SNX6: variants seen among roughly 807,000 people sequenced by gnomAD.
SNX6 encodes the protein sorting nexin 6.
SNX6 carries 34 observed loss-of-function variants against 63.0 expected under a neutral mutation model. The observed-to-expected ratio is 0.54, with a 90% CI of 0.41 to 0.72. The LOEUF (loss-of-function observed/expected upper bound fraction) is 0.72, where lower values mean the gene tolerates loss of function less well. SNX6 is among the 30% of genes least tolerant of loss of function. The pLI is 0.00. For missense variants in SNX6, 398 were observed against 471.4 expected, an observed-to-expected ratio of 0.84 and a Z score of 1.44; for synonymous variants, 170 against 164.2, an observed-to-expected ratio of 1.04 and a Z score of -0.27.
Position 34,608,017 on chromosome 14 carries a change from T to A in SNX6, c.270+13A>T. ...CCTAGAAAATGGAATTAAAATGGAG[T>A]CTCAATACTTACGATATAACCTGCA... On this transcript the variant is annotated intron_variant, in intron 4 of 13. Transcript: ENST00000362031. 1.5e-6 allele frequency: 2 copies of A among 1,344,056 alleles called. No homozygotes were observed. Among genetic ancestry groups the A allele is most frequent in the South Asian group, 1.3e-5 (1 of 78,418 alleles). The allele number at this position is 1,344,056 out of a possible 1,614,324, so 83.3% of individuals were successfully genotyped here.
chr14:34,569,719 AAATC>A (rs1881357300), intron 11 of SNX6, among the ~76,000 whole-genome samples: 1 of 152,212 alleles, frequency 6.6e-6, no homozygotes, highest in African/African-American at 2.4e-5. Flanking sequence ...GTTGTAGCAC[AAATC>A]AATATTTCAC....
chr14:34,594,308 C>CTT (rs34181149), intron 7 of SNX6, among the ~76,000 whole-genome samples: 9 of 146,112 alleles, frequency 6.2e-5, no homozygotes, highest in East Asian at 4.0e-4. Flanking sequence ...TGTCTTCAAC[C>CTT]TTTTTTTTTT....
At chr14:34,570,302 G>C (rs1881387414) in intron 11 of SNX6, among the ~76,000 whole-genome samples, 1 of 151,470 alleles carries the variant, frequency 6.6e-6, no homozygotes, top group Non-Finnish European at 1.5e-5. Flanking sequence ...CCGACCTCAA[G>C]TAATCTGCCC....
intron 9 of SNX6, among the ~76,000 whole-genome samples, chr14:34,583,199 C>T (rs1378432507): frequency 4.6e-5 from 7 of 152,080 alleles, no homozygotes; most frequent in Non-Finnish European, 1.0e-4. Context: ...GTCCCAGCTA[C>T]TTGGGAGGCT....
intron 9 of SNX6, among the ~76,000 whole-genome samples, chr14:34,582,718 T>G (rs1237799458): frequency 1.3e-5 from 2 of 151,956 alleles, no homozygotes; most frequent in Admixed American, 6.6e-5. Context: ...AATTTTTGTA[T>G]TTTTAGTAGA....
At chr14:34,619,521 C>CT (rs1417372132) in intron 2 of SNX6, among the ~76,000 whole-genome samples, 2 of 151,494 alleles carry the variant, frequency 1.3e-5, no homozygotes, top group Admixed American at 6.6e-5. Context: ...ATTTAATAAA[C>CT]TTTTTTTTCA....
At position 34,573,634 on chromosome 14, in the gene SNX6, T is replaced by A. The variant is rs143012665; in HGVS notation, c.921+2122A>T. Among the ~76,000 whole-genome samples the A allele has an allele frequency of 6.7e-3, 1,013 of 151,924 alleles. 3 individuals carry two copies. The highest frequency in any genetic ancestry group is 0.023 in the African/African-American group (943 of 41,472). ...AGTCTTGCACACAGCTTTTTTTTTT[T>A]AATTAATTAATTTATTTTTTTCGAG... On this transcript the variant is annotated intron_variant, in intron 11 of 13. Coordinates refer to ENST00000362031, the MANE Select transcript of SNX6 (RefSeq NM_152233.4).
At chr14:34,591,193 G>A (rs1203735571) in intron 8 of SNX6, among the ~76,000 whole-genome samples, 1 of 150,410 alleles carries the variant, frequency 6.6e-6, no homozygotes, top group Non-Finnish European at 1.5e-5. Flanking sequence ...TTTGATTACT[G>A]CAGCTTACTG....
At chr14:34,563,437 T>A (rs145003952) in intron 13 of SNX6, among the ~76,000 whole-genome samples, 418 of 152,052 alleles carry the variant, frequency 2.7e-3, no homozygotes, top group African/African-American at 9.7e-3. Flanking sequence ...TTGGCACCTG[T>A]AGTCCCAGCT....
At chr14:34,586,395 G>A in intron 8 of SNX6, 90 bp from the exon 9 acceptor site, 2 of 726,638 alleles carry the variant, frequency 2.8e-6, no homozygotes, top group Non-Finnish European at 4.6e-6. Context: ...TGTGTAATAT[G>A]AGACACTCTA....
intron 13 of SNX6, among the ~76,000 whole-genome samples, chr14:34,564,047 A>G (rs952567635): frequency 6.6e-6 from 1 of 151,912 alleles, no homozygotes; most frequent in African/African-American, 2.4e-5. Flanking sequence ...CTTTGTTTTG[A>G]GACAGAGTCT....
chr14:34,604,251 TTC>T (rs1473308095), intron 5 of SNX6: 2 of 1,284,356 alleles, frequency 1.6e-6, no homozygotes, highest in Non-Finnish European at 2.0e-6. Flanking sequence ...AAACCCAAGG[TTC>T]TCTGTTATCC....
chr14:34,569,512 C>T (rs1248208497), intron 11 of SNX6, among the ~76,000 whole-genome samples: 1 of 151,990 alleles, frequency 6.6e-6, no homozygotes, highest in Non-Finnish European at 1.5e-5. Context: ...ACTACAACCT[C>T]CACCTCCCGG....
In SNX6 at chr14:34,621,086, C is replaced by T. The variant is rs552491856; in HGVS notation, c.54+8821G>A. 4.1e-4 allele frequency among the ~76,000 whole-genome samples: 62 copies of T among 152,240 alleles called. No individual in the cohort carries two copies. In the South Asian group the frequency reaches 0.012, roughly 29 times the overall value. On this transcript the variant is annotated intron_variant, in intron 2 of 13. Transcript: ENST00000362031. ...GCCTCAGCCTCCCAAGTAGCTAGGACTAAATGCATGTGTGACCACACCCTG... is the reference window on the plus strand; with the variant it reads ...GCCTCAGCCTCCCAAGTAGCTAGGATTAAATGCATGTGTGACCACACCCTG...
intron 4 of SNX6, 40 bp downstream of exon 4, chr14:34,607,990 C>G: frequency 1.9e-6 from 2 of 1,053,272 alleles, no homozygotes; most frequent in Admixed American, 2.3e-5. Context: ...TACCTAAAAC[C>G]TCCTAGAAAA....
chr14:34,593,393 C>T (rs1288346753), intron 7 of SNX6, among the ~76,000 whole-genome samples: 1 of 151,312 alleles, frequency 6.6e-6, no homozygotes, highest in African/African-American at 2.4e-5. Context: ...TCCAAGTTCA[C>T]GTGCTGTACT....
At chr14:34,612,906 G>A (rs1271578944) in intron 2 of SNX6, among the ~76,000 whole-genome samples, 1 of 151,890 alleles carries the variant, frequency 6.6e-6, no homozygotes, top group Non-Finnish European at 1.5e-5. Context: ...AAAATTAGCT[G>A]GGTGCGGTGG....
rs558467643 is a variant in SNX6 at position 34,623,487 on chromosome 14, T to C, written c.54+6420A>G. The stretch of plus-strand genomic sequence containing the variant: ...AAGTCCTTTTCACTAACGTGCTATA[T>C]GGTTTAATCATTTTAGTAATATAAG... On this transcript the variant is annotated intron_variant, in intron 2 of 13. Transcript: ENST00000362031. Among the ~76,000 whole-genome samples, 11 of 152,320 alleles carry C rather than the reference T, an allele frequency of 7.2e-5. No individual in the cohort carries two copies. The East Asian group carries it at 2.1e-3, about 29-fold the overall frequency.
chr14:34,607,918 C>T (rs1566486542), intron 4 of SNX6, 112 bp downstream of exon 4: 2 of 539,744 alleles, frequency 3.7e-6, no homozygotes, highest in Non-Finnish European at 6.4e-6. Context: ...AAAAACAAAA[C>T]AAAACAAAAC....
Sources: gnomAD v4.1 joint callset for allele counts (sites outside exome capture counted in the v4.1 genomes callset) on GRCh38, gnomAD v4.1.1 for gene constraint, MANE v1.5 for transcripts, NCBI Gene and HGNC (gene_info 2026-07-23, HGNC 2026-07-21) for gene names.